Variants in FAM107B observed in about 807,000 individuals in gnomAD.
The protein encoded by FAM107B is family with sequence similarity 107 member B, also known as protein FAM107B.
A neutral mutation model predicts 31.5 loss-of-function variants in FAM107B; 21 were observed. The ratio of observed to expected loss-of-function variants is 0.67; its 90% CI spans 0.47 to 0.96. The LOEUF (loss-of-function observed/expected upper bound fraction) is 0.96, where lower values mean the gene tolerates loss of function less well. Ranked by LOEUF, FAM107B falls within the 40% of genes least tolerant of loss-of-function variation. The pLI is 0.00. For synonymous variants in FAM107B, 157 were observed against 141.5 expected, an observed-to-expected ratio of 1.11 and a Z score of -0.78; for missense variants, 452 against 377.1, an observed-to-expected ratio of 1.20 and a Z score of -1.64.
At chr10:14,535,503 T>C (rs1452813057) in intron 2 of FAM107B, among the ~76,000 whole-genome samples, 5 of 152,218 alleles carry the variant, frequency 3.3e-5, no homozygotes, top group African/African-American at 7.2e-5. Context: ...GTAACTTCAG[T>C]TGAATGACCC....
chr10:14,530,189 AG>A (rs1588485260), intron 3 of FAM107B, 142 bp downstream of exon 3: 3 of 922,478 alleles, frequency 3.3e-6, no homozygotes, highest in East Asian at 2.7e-5. Flanking sequence ...ACCCGGTTCT[AG>A]GATGTGAGAA....
In FAM107B at chr10:14,690,216, C is replaced by T. The variant is rs1008844458; in HGVS notation, c.412-22525G>A. ...GGAGATCACTAGCAGATCTAAGTGA[C>T]GGAGGAGAGTGAGGTCAAGACACTT... On this transcript the variant is annotated intron_variant, in intron 1 of 4. Transcript: ENST00000181796. 6.6e-5 allele frequency among the ~76,000 whole-genome samples: 10 copies of T among 152,308 alleles called. No homozygotes were observed. The East Asian group carries it at 7.7e-4, about 12-fold the overall frequency.
intron 1 of FAM107B, among the ~76,000 whole-genome samples, chr10:14,736,915 G>A (rs960685834): frequency 8.5e-5 from 13 of 152,174 alleles, no homozygotes; most frequent in Non-Finnish European, 1.5e-4. Flanking sequence ...TGATAATGTT[G>A]TCCCCCAGCA....
chr10:14,522,741 G>A (rs943361768), intron 3 of FAM107B, among the ~76,000 whole-genome samples: 2 of 152,094 alleles, frequency 1.3e-5, no homozygotes, highest in Admixed American at 6.5e-5. Context: ...TGCACTAAAT[G>A]CAGCCTCAAG....
At chr10:14,704,490 C>G (rs780167534) in intron 1 of FAM107B, among the ~76,000 whole-genome samples, 18 of 152,192 alleles carry the variant, frequency 1.2e-4, no homozygotes, top group Non-Finnish European at 2.2e-4. Flanking sequence ...AGACAGGTCT[C>G]TGACAAAATC....
chr10:14,761,253 A>G (rs1833041828), intron 1 of FAM107B, among the ~76,000 whole-genome samples: 1 of 152,228 alleles, frequency 6.6e-6, no homozygotes, highest in African/African-American at 2.4e-5. Flanking sequence ...GATGCTATGA[A>G]GAATCAAACA....
chr10:14,568,258 A>G (rs1045922943), intron 2 of FAM107B, among the ~76,000 whole-genome samples: 6 of 151,188 alleles, frequency 4.0e-5, no homozygotes, highest in Non-Finnish European at 8.9e-5. Context: ...GAGAAGGTGC[A>G]CTCCCATTCC....
chr10:14,610,445 A>G (rs1852699794), intron 2 of FAM107B, among the ~76,000 whole-genome samples: 1 of 152,230 alleles, frequency 6.6e-6, no homozygotes, highest in Non-Finnish European at 1.5e-5. Context: ...ACTGTTTTGC[A>G]CAATTGTTGT....
chr10:14,543,208 C>T (rs866847351), intron 2 of FAM107B, among the ~76,000 whole-genome samples: 1 of 152,114 alleles, frequency 6.6e-6, no homozygotes, highest in Admixed American at 6.5e-5. Flanking sequence ...TGGTAAAAGG[C>T]ACAGTTTGGT....
At chr10:14,710,605 C>G (rs1307030128) in intron 1 of FAM107B, among the ~76,000 whole-genome samples, 1 of 152,096 alleles carries the variant, frequency 6.6e-6, no homozygotes, top group Non-Finnish European at 1.5e-5. Context: ...AGAGTATAAT[C>G]AAACTGAAAA....
chr10:14,705,739 G>A (rs1463538682), intron 1 of FAM107B, among the ~76,000 whole-genome samples: 2 of 152,076 alleles, frequency 1.3e-5, no homozygotes, highest in African/African-American at 4.8e-5. Context: ...GTTGTTTAGT[G>A]GGTACAGAGA....
At chr10:14,581,968 C>A (rs891228938) in intron 2 of FAM107B, among the ~76,000 whole-genome samples, 1 of 152,102 alleles carries the variant, frequency 6.6e-6, no homozygotes, top group Non-Finnish European at 1.5e-5. Flanking sequence ...GACAGCTGTA[C>A]AGAATTTGGT....
chr10:14,721,555 G>C (rs1855913246), intron 1 of FAM107B, among the ~76,000 whole-genome samples: 2 of 152,138 alleles, frequency 1.3e-5, no homozygotes, highest in Non-Finnish European at 2.9e-5. Flanking sequence ...GTGTGAGATG[G>C]TATCTCATTG....
At chr10:14,720,843 A>T (rs924395896) in intron 1 of FAM107B, among the ~76,000 whole-genome samples, 10 of 151,672 alleles carry the variant, frequency 6.6e-5, no homozygotes, top group Admixed American at 1.3e-4. Context: ...ATTTTTTTTT[A>T]ATTTATTTTT....
At chr10:14,650,481 T>A (rs780138082) in intron 2 of FAM107B, among the ~76,000 whole-genome samples, 18 of 152,276 alleles carry the variant, frequency 1.2e-4, no homozygotes, top group Non-Finnish European at 2.2e-4. Flanking sequence ...AGATGGGGTT[T>A]CACCATGTTG....
intron 2 of FAM107B, among the ~76,000 whole-genome samples, chr10:14,561,676 C>T (rs1850255731): frequency 6.6e-6 from 1 of 152,214 alleles, no homozygotes; most frequent in Non-Finnish European, 1.5e-5. Flanking sequence ...TTATTTAGAT[C>T]TGTAAACCTT....
chr10:14,583,715 GGA>G (rs973961184), intron 2 of FAM107B, among the ~76,000 whole-genome samples: 2 of 151,454 alleles, frequency 1.3e-5, no homozygotes, highest in African/African-American at 4.9e-5. Flanking sequence ...TGAAGGAGGG[GGA>G]AAAGTTGACA....
chr10:14,707,320 A>T (rs772817216), intron 1 of FAM107B, among the ~76,000 whole-genome samples: 5 of 152,130 alleles, frequency 3.3e-5, no homozygotes, highest in Non-Finnish European at 7.3e-5. Flanking sequence ...GGCTGTCATA[A>T]CCTTCTTTCA....
At position 14,601,475 on chromosome 10, in the gene FAM107B, CTATACA is replaced by C. The variant is rs1852396527; in HGVS notation, c.469+66153_469+66158del. ...AATAGGCCATGATTAGACAAGGGAA[CTATACA>C]AGGAAATGCAGCAAGGTCTCATGAG... is the stretch of plus-strand genomic sequence containing the variant. On this transcript the variant is annotated intron_variant, in intron 2 of 4. Coordinates refer to ENST00000181796, the MANE Select transcript of FAM107B (RefSeq NM_031453.4). 3.9e-5 allele frequency among the ~76,000 whole-genome samples: 6 copies of C among 152,268 alleles called. No homozygotes were observed. The South Asian group carries it at 1.2e-3, about 32-fold the overall frequency.
Sources: allele counts gnomAD v4.1 joint callset (sites outside exome capture counted in the v4.1 genomes callset), GRCh38; gene constraint gnomAD v4.1.1; transcripts MANE v1.5; gene names NCBI Gene and HGNC (gene_info 2026-07-23, HGNC 2026-07-21).